ESRP1: variants seen among roughly 807,000 people sequenced by gnomAD.
ESRP1 encodes the protein RNA-binding motif protein 35A.
ESRP1 carries 33 observed loss-of-function variants against 81.7 expected under a neutral mutation model. That is an observed-to-expected ratio of 0.40 (90% CI 0.31 to 0.54). ESRP1 has a LOEUF of 0.54. Ranked by LOEUF, ESRP1 falls within the 20% of genes least tolerant of loss-of-function variation. ESRP1 has a pLI of 0.41. For synonymous variants in ESRP1, 320 were observed against 303.3 expected (o/e 1.06, Z -0.57); for missense variants, 672 against 833.1 (o/e 0.81, Z 2.38).
In ESRP1 at chr8:94,643,294, T is replaced by C. The variant is rs763806494; in HGVS notation, c.262-9T>C. The C allele has an allele frequency of 2.6e-6, 4 of 1,568,586 alleles. No individual in the cohort carries two copies. The highest frequency in any genetic ancestry group is 1.7e-4 in the Middle Eastern group (1 of 6,018). The stretch of plus-strand genomic sequence containing the variant: ...CAGTTGCATCCCTATGTGTATCTTG[T>C]TCTTGCAGTTTAACCAGTCAGTGAG... On this transcript the variant is annotated splice_polypyrimidine_tract_variant and intron_variant, in intron 2 of 15. Transcript: ENST00000433389.
intron 13 of ESRP1, among the ~76,000 whole-genome samples, chr8:94,689,811 C>CTTTTTTTTTTTTTTTTGTTTT (rs1809305612): frequency 1.5e-5 from 1 of 64,680 alleles, no homozygotes; most frequent in Non-Finnish European, 3.0e-5. Context: ...TGATGCCTGG[C>CTTTTTTTTTTTTTTTTGTTTT]TTTTTTTTTT....
At chr8:94,648,375 T>C (rs1261198487) in intron 4 of ESRP1, among the ~76,000 whole-genome samples, 2 of 152,256 alleles carry the variant, frequency 1.3e-5, no homozygotes, top group African/African-American at 2.4e-5. Context: ...TTTTATGTTA[T>C]ATTGCTGCTG....
chr8:94,660,002 C>T (rs549738185), intron 4 of ESRP1, among the ~76,000 whole-genome samples: 2 of 152,274 alleles, frequency 1.3e-5, no homozygotes, highest in African/African-American at 4.8e-5. Context: ...TTATGAGATT[C>T]AAGGAAATAA....
chr8:94,659,645 A>C (rs1487122811), intron 4 of ESRP1, among the ~76,000 whole-genome samples: 1 of 152,250 alleles, frequency 6.6e-6, no homozygotes, highest in Non-Finnish European at 1.5e-5. Flanking sequence ...GCCAAAAGCC[A>C]GGCCTTATGC....
At chr8:94,641,823 A>G in intron 1 of ESRP1, 133 bp from the exon 2 acceptor site, 2 of 1,390,740 alleles carry the variant, frequency 1.4e-6, no homozygotes, top group Non-Finnish European at 1.9e-6. Flanking sequence ...ACCGATGGCG[A>G]GTCGAGAGCT....
intron 4 of ESRP1, among the ~76,000 whole-genome samples, chr8:94,655,717 C>T (rs1488132331): frequency 6.6e-6 from 1 of 151,858 alleles, no homozygotes; most frequent in East Asian, 1.9e-4. Flanking sequence ...CTGGTGAAAC[C>T]CTGTCTCTAC....
chr8:94,683,463 A>G (rs1005457742), intron 13 of ESRP1, among the ~76,000 whole-genome samples: 1 of 152,198 alleles, frequency 6.6e-6, no homozygotes, highest in African/African-American at 2.4e-5. Context: ...GTTGTAACAA[A>G]TAATACATGG....
At chr8:94,674,160 G>A (rs1819476406) in intron 11 of ESRP1, 148 bp from the exon 12 acceptor site, 2 of 794,966 alleles carry the variant, frequency 2.5e-6, no homozygotes, top group Non-Finnish European at 4.0e-6. Context: ...ATGCAAGTCA[G>A]GTTCCAGCAG....
At chr8:94,703,513 G>A (rs1017058696) in intron 15 of ESRP1, among the ~76,000 whole-genome samples, 8 of 152,076 alleles carry the variant, frequency 5.3e-5, no homozygotes, top group Non-Finnish European at 1.0e-4. Context: ...AAGGCTAAAC[G>A]TTTAACTTTA....
At chr8:94,676,412 A>G (rs1819588401) in intron 12 of ESRP1, among the ~76,000 whole-genome samples, 3 of 150,706 alleles carry the variant, frequency 2.0e-5, no homozygotes, top group Non-Finnish European at 4.4e-5. Flanking sequence ...AGCCCAATCT[A>G]TTTGGTTATC....
intron 15 of ESRP1, among the ~76,000 whole-genome samples, chr8:94,699,287 T>G (rs73695567): frequency 0.02 from 3,089 of 152,112 alleles, 97 homozygotes; most frequent in African/African-American, 0.069. Context: ...AATCCAGATG[T>G]CTGCATCTTT....
rs748110228 is a variant in ESRP1, at chr8:94,641,444, C to A, written c.126C>A (p.Asn42Lys). Residue 42 changes from asparagine (N) to lysine (K), a missense_variant, in exon 1 of 16, where the codon AAC (asparagine) becomes AAA (lysine). Transcript: ENST00000433389. ...LLFWKVVDLA[N>K]KKVGQLHEVL... ...TCTGGAAAGTCGTGGATCTGGCCAA[C>A]AAGAAGGTATTTCTCCACATTTTCG... 9 of 1,613,688 alleles carry A rather than the reference C, an allele frequency of 5.6e-6. No individual in the cohort carries two copies. The highest frequency in any genetic ancestry group is 1.3e-5 in the African/African-American group (1 of 74,846).
Position 94,658,452 on chromosome 8 carries a change from A to G in ESRP1, c.491-3820A>G, listed in dbSNP as rs150411072. On this transcript the variant is annotated intron_variant, in intron 4 of 15. Coordinates refer to ENST00000433389, the MANE Select transcript of ESRP1 (RefSeq NM_017697.4). ...AGTCGAGAAAATAGCATAACATTTT[A>G]GGAATAGTATCTAATGAACTCTTAA... is the stretch of plus-strand genomic sequence containing the variant. Among the ~76,000 whole-genome samples, 753 of 152,334 alleles carry G rather than the reference A, an allele frequency of 4.9e-3. 9 individuals are homozygous for G. Among genetic ancestry groups the G allele is most frequent in the African/African-American group, 0.017 (718 of 41,576 alleles).
At chr8:94,690,517 G>A (rs1460319417) in intron 13 of ESRP1, among the ~76,000 whole-genome samples, 1 of 151,922 alleles carries the variant, frequency 6.6e-6, no homozygotes, top group East Asian at 1.9e-4. Context: ...ACGATTCCTT[G>A]TATACAGCAG....
chr8:94,641,720 A>C, intron 1 of ESRP1: 2 of 586,416 alleles, frequency 3.4e-6, no homozygotes, highest in Non-Finnish European at 2.6e-6. Flanking sequence ...CTCCGCCGAG[A>C]CGAGGTGGGG....
At chr8:94,653,687 TTATTC>T (rs1305460079) in intron 4 of ESRP1, among the ~76,000 whole-genome samples, 8 of 152,138 alleles carry the variant, frequency 5.3e-5, no homozygotes, top group African/African-American at 1.7e-4. Flanking sequence ...GGTTAGGAGT[TTATTC>T]TAACAGTGAA....
chr8:94,672,925 A>AT (rs1255846355), intron 11 of ESRP1, among the ~76,000 whole-genome samples: 1 of 1,804 alleles, frequency 5.5e-4, no homozygotes, highest in Non-Finnish European at 3.3e-3. Flanking sequence ...GAAAATACTG[A>AT]ATTTTTTTCC....
chr8:94,642,805 C>A (rs147969862), intron 2 of ESRP1, among the ~76,000 whole-genome samples: 8 of 152,304 alleles, frequency 5.3e-5, no homozygotes, highest in South Asian at 2.1e-4. Context: ...GCTCTGCGTT[C>A]TCACGACCTC....
In ESRP1 at chr8:94,706,706, T is replaced by G. The variant is rs557361947; in HGVS notation, c.*817T>G. 1 of 152,740 alleles carries G rather than the reference T, an allele frequency of 6.5e-6. No individual in the cohort carries two copies. The highest frequency in any genetic ancestry group is 2.1e-4 in the South Asian group (1 of 4,826). The allele number at this position is 152,740 out of a possible 1,614,324, so 9.5% of individuals were successfully genotyped here. A position where few individuals can be genotyped will look rare whatever the true frequency, so the allele number is the denominator to read the frequency against. On this transcript the variant is annotated 3_prime_UTR_variant, in exon 16 of 16. Transcript: ENST00000433389. Reference sequence around the variant, plus strand: ...TCATATGTATTATTTTATATTGTACTTTTTTCATTATTGATGGTTTGGACT... The same window carrying G: ...TCATATGTATTATTTTATATTGTACGTTTTTCATTATTGATGGTTTGGACT...
Sources: allele counts gnomAD v4.1 joint callset (sites outside exome capture counted in the v4.1 genomes callset), GRCh38; gene constraint gnomAD v4.1.1; transcripts MANE v1.5; gene names NCBI Gene and HGNC (gene_info 2026-07-23, HGNC 2026-07-21).